The following FDPS variants were observed in gnomAD, a reference collection of about 807,000 sequenced individuals.
The protein encoded by FDPS is farnesyl diphosphate synthase, also known as farnesyl pyrophosphate synthase.
Under a neutral mutation model 49.5 loss-of-function variants are expected in FDPS, and 29 were observed. That is an observed-to-expected ratio of 0.59 (90% CI 0.44 to 0.80). The LOEUF is 0.80. Among genes scored for constraint, FDPS ranks in the 30% least tolerant of loss-of-function variants. The pLI, the probability that FDPS is intolerant of heterozygous loss-of-function variation, is 0.00. For missense variants in FDPS, 414 were observed against 525.6 expected (o/e 0.79, Z 2.08); for synonymous variants, 172 against 206.4 (o/e 0.83, Z 1.43).
At chr1:155,310,312 G>GC in intron 3 of FDPS, 107 bp downstream of exon 3, 1 of 870,196 alleles carries the variant, frequency 1.1e-6, no homozygotes. Flanking sequence ...GTGAGAGAAA[G>GC]CTTTTTTTTT....
At chr1:155,311,206 G>C (rs1648765748) in intron 3 of FDPS, among the ~76,000 whole-genome samples, 1 of 152,172 alleles carries the variant, frequency 6.6e-6, no homozygotes, top group South Asian at 2.1e-4. Context: ...GGGCGTGGTG[G>C]CGCCCACATG....
chr1:155,311,322 T>C (rs1356743475), intron 3 of FDPS, among the ~76,000 whole-genome samples: 2 of 151,598 alleles, frequency 1.3e-5, no homozygotes, highest in African/African-American at 4.9e-5. Flanking sequence ...CTGAGTGACA[T>C]AGCGAGATGA....
intron 3 of FDPS, among the ~76,000 whole-genome samples, chr1:155,311,975 A>T (rs146975025): frequency 0.027 from 4,125 of 152,040 alleles, 144 homozygotes; most frequent in African/African-American, 0.082. Flanking sequence ...TCATCTCAAA[A>T]AAATAAATAA....
intron 3 of FDPS, among the ~76,000 whole-genome samples, 182 bp from the exon 4 acceptor site, chr1:155,312,073 T>C (rs1648858391): frequency 6.6e-6 from 1 of 152,222 alleles, no homozygotes. Context: ...CTCTTCTAGC[T>C]TTGCTCCAGA....
At chr1:155,312,211 C>T in intron 3 of FDPS, 44 bp from the exon 4 acceptor site, 7 of 1,607,086 alleles carry the variant, frequency 4.4e-6, no homozygotes, top group South Asian at 1.1e-5. Context: ...ACAGTAGCTG[C>T]TGTATGGACC....
chr1:155,319,063 C>T, intron 8 of FDPS, 135 bp downstream of exon 8: 1 of 683,882 alleles, frequency 1.5e-6, no homozygotes, highest in Non-Finnish European at 2.6e-6. Context: ...CTCGCTCAGT[C>T]TCTTTCCTCA....
chr1:155,313,845 GTC>G (rs927983949), intron 4 of FDPS, among the ~76,000 whole-genome samples: 1 of 151,960 alleles, frequency 6.6e-6, no homozygotes, highest in Non-Finnish European at 1.5e-5. Flanking sequence ...TTGAGATGGA[GTC>G]TCTCTCTGTT....
rs1258325521 is a variant in FDPS, at chr1:155,318,549, T to G, written c.685-116T>G. The G allele has an allele frequency of 1.1e-6, 1 of 901,780 alleles. No homozygotes were observed. The highest frequency in any genetic ancestry group is 2.5e-5 in the East Asian group (1 of 39,966). The allele number at this position is 901,780 out of a possible 1,614,324, so 55.9% of individuals were successfully genotyped here. A position where few individuals can be genotyped will look rare whatever the true frequency, so the allele number is the denominator to read the frequency against. ...TAAGTTTTGGGGCTTTCTCCCCTTC[T>G]GTTGCCTTTCTGATTCTGCCCAGTT... On this transcript the variant is annotated intron_variant, in intron 6 of 10. Coordinates refer to ENST00000368356, the MANE Select transcript of FDPS (RefSeq NM_002004.4). This position sits in a 1 kb window ranked among gnomAD's most constrained non-coding sequence, Gnocchi z 4.2.
At position 155,319,902 on chromosome 1, in the gene FDPS, A is replaced by G. The variant is rs143140546; in HGVS notation, c.1033A>G (p.Thr345Ala). Residue 345 changes from threonine to alanine, a missense_variant, in exon 10 of 11, where the codon ACT becomes GCT. Transcript: ENST00000368356. ...WLVVQCLQRATPEQYQILKEN... is the reference protein window; with the variant it reads ...WLVVQCLQRAAPEQYQILKEN... ...GGTGGTTCAGTGTCTGCAACGGGCC[A>G]CTCCAGAACAGTACCAGATCCTGAA... 6.8e-6 allele frequency: 11 copies of G among 1,613,850 alleles called. No individual in the cohort carries two copies. The African/African-American group carries it at 1.5e-4, about 22-fold the overall frequency.
Position 155,319,855 on chromosome 1 carries a change from A to C in FDPS, c.986A>C (p.Gln329Pro), listed in dbSNP as rs536916396. ...ACCGGCAAAATTGGCACTGACATCCAGGACAACAAATGCAGCTGGCTGGTG... is the reference window on the plus strand; with the variant it reads ...ACCGGCAAAATTGGCACTGACATCCCGGACAACAAATGCAGCTGGCTGGTG... ...SVTGKIGTDIQDNKCSWLVVQ... is the reference protein window; with the variant it reads ...SVTGKIGTDIPDNKCSWLVVQ... Residue 329 changes from glutamine (Q) to proline (P), a missense_variant, in exon 10 of 11, where the codon CAG becomes CCG. Transcript: ENST00000368356. 1.4e-5 allele frequency: 23 copies of C among 1,614,178 alleles called. No individual in the cohort carries two copies. The East Asian group carries it at 4.7e-4, about 33-fold the overall frequency.
At chr1:155,311,207 C>T (rs931711581) in intron 3 of FDPS, among the ~76,000 whole-genome samples, 6 of 152,092 alleles carry the variant, frequency 3.9e-5, no homozygotes, top group African/African-American at 9.7e-5. Flanking sequence ...GGCGTGGTGG[C>T]GCCCACATGT....
intron 8 of FDPS, 128 bp downstream of exon 8, chr1:155,319,056 G>A (rs1015032998): frequency 5.7e-6 from 4 of 704,798 alleles, no homozygotes; most frequent in Non-Finnish European, 7.5e-6. Flanking sequence ...AGTCGGTCTC[G>A]CTCAGTCTCT....
intron 9 of FDPS, 44 bp downstream of exon 9, chr1:155,319,732 ACTC>A: frequency 1.2e-6 from 2 of 1,613,526 alleles, no homozygotes; most frequent in South Asian, 1.1e-5. Flanking sequence ...CACCAGCTTC[ACTC>A]CTCCTCTGCC....
Position 155,320,457 on chromosome 1 carries a change from C to CT in FDPS, c.1109dup (p.Tyr371IlefsTer2), listed in dbSNP as rs1219737796. On this transcript the variant is annotated frameshift_variant, in exon 11 of 11. Coordinates refer to ENST00000368356, the MANE Select transcript of FDPS (RefSeq NM_002004.4). LOFTEE classifies it low-confidence loss of function (END_TRUNC). The stretch of plus-strand genomic sequence containing the variant: ...TGAGAAAGTGGCCCGGGTGAAGGCG[C>CT]TATATGAGGAGCTGGATCTGCCAGC... The CT allele has an allele frequency of 6.2e-7, 1 of 1,613,792 alleles. No homozygotes were observed.
In FDPS at chr1:155,312,618, G is replaced by A. The variant is rs1648918884; in HGVS notation, c.480+223G>A. ...ATGGCTGTAGATAGTTGTAGACAGT[G>A]TGGACTGGGGCCTCGAGACTGGGCA... On this transcript the variant is annotated intron_variant, in intron 4 of 10. Transcript: ENST00000368356. 6 of 510,604 alleles carry A rather than the reference G, an allele frequency of 1.2e-5. No individual in the cohort carries two copies. In the East Asian group the frequency reaches 1.9e-4, roughly 16 times the overall value. The allele number at this position is 510,604 out of a possible 1,614,324, so 31.6% of individuals were successfully genotyped here. A position where few individuals can be genotyped will look rare whatever the true frequency, so the allele number is the denominator to read the frequency against.
chr1:155,319,962 G>A, intron 10 of FDPS, 34 bp downstream of exon 10: 1 of 1,610,984 alleles, frequency 6.2e-7, no homozygotes, highest in South Asian at 1.1e-5. Context: ...CCCTGAGTTG[G>A]TGGAAAGGGA....
In FDPS at chr1:155,318,611, G is replaced by T; in HGVS notation, c.685-54G>T. ...TGGGATGTTGGGCTTGGGATACCAG[G>T]GTTTCGCATATCTGGAGAAAGCCTG... On this transcript the variant is annotated intron_variant, in intron 6 of 10. Coordinates refer to ENST00000368356, the MANE Select transcript of FDPS (RefSeq NM_002004.4). The surrounding 1 kb of genome is among the most constrained non-coding windows in gnomAD (Gnocchi z 4.2). The T allele has an allele frequency of 1.5e-6, 2 of 1,351,514 alleles. No individual in the cohort carries two copies. The highest frequency in any genetic ancestry group is 1.2e-5 in the South Asian group (1 of 85,428). The allele number at this position is 1,351,514 out of a possible 1,614,324, so 83.7% of individuals were successfully genotyped here.
intron 10 of FDPS, 32 bp from the exon 11 acceptor site, chr1:155,320,377 A>C: frequency 6.3e-7 from 1 of 1,591,762 alleles, no homozygotes; most frequent in African/African-American, 1.3e-5. Context: ...GGGAAGGCCA[A>C]GCCCGTTTTC....
At chr1:155,310,286 G>T in intron 3 of FDPS, 81 bp downstream of exon 3, 1 of 1,391,784 alleles carries the variant, frequency 7.2e-7, no homozygotes, top group Admixed American at 2.0e-5. Context: ...TGGCTTATGG[G>T]GGACTTTTGA....
Sources: gnomAD v4.1 joint callset for allele counts (sites outside exome capture counted in the v4.1 genomes callset) on GRCh38, gnomAD v4.1.1 for gene constraint, Gnocchi (gnomAD v3.1) non-coding constraint, MANE v1.5 for transcripts, NCBI Gene and HGNC (gene_info 2026-07-23, HGNC 2026-07-21) for gene names.